Variants in ARHGEF37 observed in about 807,000 individuals in gnomAD.
ARHGEF37 encodes Rho guanine nucleotide exchange factor 37.
A neutral mutation model predicts 71.1 loss-of-function variants in ARHGEF37; 55 were observed. The ratio of observed to expected loss-of-function variants is 0.77; its 90% confidence interval spans 0.62 to 0.97. ARHGEF37 has a LOEUF of 0.97. Among genes scored for constraint, ARHGEF37 ranks in the 50% least tolerant of loss-of-function variants. The pLI is 0.00. For missense variants in ARHGEF37, 765 were observed against 836.8 expected, an observed-to-expected ratio of 0.91 and a Z score of 1.06; for synonymous variants, 327 against 350.6, an observed-to-expected ratio of 0.93 and a Z score of 0.75.
At chr5:149,623,521 A>G (rs1192535595) in intron 9 of ARHGEF37, among the ~76,000 whole-genome samples, 1 of 152,002 alleles carries the variant, frequency 6.6e-6, no homozygotes, top group Admixed American at 6.6e-5. Flanking sequence ...GCTGCCCCCA[A>G]CCCCTTGCAT....
chr5:149,595,644 C>A (rs756659929), intron 1 of ARHGEF37, among the ~76,000 whole-genome samples: 1 of 152,110 alleles, frequency 6.6e-6, no homozygotes, highest in Non-Finnish European at 1.5e-5. Context: ...CTCACAGGGG[C>A]ATTCTTATAT....
At chr5:149,601,792 G>T (rs1263111847) in intron 3 of ARHGEF37, among the ~76,000 whole-genome samples, 2 of 152,166 alleles carry the variant, frequency 1.3e-5, no homozygotes, top group African/African-American at 4.8e-5. Flanking sequence ...TCTGAAGGGA[G>T]AGTAGAGAGC....
chr5:149,565,990 C>T (rs181778416), intron 1 of ARHGEF37, among the ~76,000 whole-genome samples: 2 of 151,396 alleles, frequency 1.3e-5, no homozygotes, highest in Admixed American at 1.3e-4. Context: ...GCTTGGATTA[C>T]AGGCATGTGC....
At position 149,618,316 on chromosome 5, in the gene ARHGEF37, C is replaced by A. The variant is rs371883851; in HGVS notation, c.789+10C>A. 3 of 1,613,884 alleles carry A rather than the reference C, an allele frequency of 1.9e-6. No homozygotes were observed. Among genetic ancestry groups the A allele is most frequent in the Non-Finnish European group, 2.5e-6 (3 of 1,179,864 alleles). On this transcript the variant is annotated intron_variant, in intron 6 of 12. Transcript: ENST00000333677. The stretch of plus-strand genomic sequence containing the variant: ...GGGGCTGATCCCCAGGGTGAGCGTG[C>A]GCCTGGGAGGAAGAGTCACATCCAG...
chr5:149,554,719 A>AT (rs1014936003), intron 1 of ARHGEF37, among the ~76,000 whole-genome samples: 1 of 151,498 alleles, frequency 6.6e-6, no homozygotes, highest in Non-Finnish European at 1.5e-5. Context: ...TCTTAAAGTC[A>AT]TGTATCATTT....
chr5:149,571,336 A>G (rs2113246999), intron 1 of ARHGEF37, among the ~76,000 whole-genome samples: 2 of 152,184 alleles, frequency 1.3e-5, no homozygotes, highest in East Asian at 1.9e-4. Context: ...GCTCACTGCA[A>G]CCTCTGCCTC....
chr5:149,620,916 T>G (rs1317662563), intron 8 of ARHGEF37, among the ~76,000 whole-genome samples: 1 of 152,138 alleles, frequency 6.6e-6, no homozygotes, highest in Non-Finnish European at 1.5e-5. Flanking sequence ...ATTAGTGCAC[T>G]TTCCTGATAA....
chr5:149,619,559 G>A (rs1203741282), intron 7 of ARHGEF37, among the ~76,000 whole-genome samples: 1 of 152,106 alleles, frequency 6.6e-6, no homozygotes, highest in Non-Finnish European at 1.5e-5. Context: ...GTTGTTGCTG[G>A]GTGAGAATAT....
At chr5:149,626,774 C>T (rs530181929) in intron 10 of ARHGEF37, 1 of 241,626 alleles carries the variant, frequency 4.1e-6, no homozygotes, top group African/African-American at 2.2e-5. Flanking sequence ...ATAACTTACC[C>T]TGACGGTATG....
At chr5:149,562,220 T>C (rs1762841929) in intron 1 of ARHGEF37, among the ~76,000 whole-genome samples, 1 of 152,156 alleles carries the variant, frequency 6.6e-6, no homozygotes, top group Admixed American at 6.5e-5. Context: ...AAAAGAACTT[T>C]GGGCAAAAAA....
chr5:149,597,894 AG>A lies in ARHGEF37; in HGVS notation c.127del (p.Val43SerfsTer39), dbSNP rs779017606. 1 of 1,609,434 alleles carries A rather than the reference AG, an allele frequency of 6.2e-7. No homozygotes were observed. Among genetic ancestry groups the A allele is most frequent in the East Asian group, 2.2e-5 (1 of 44,564 alleles). On this transcript the variant is annotated frameshift_variant, in exon 2 of 13. Transcript: ENST00000333677. LOFTEE classifies it high-confidence loss of function. The part of the protein sequence containing the change: ...RLAVRELIDT[E>X]VSYLHMLQLC... ...GCTGTCCGGGAGCTCATCGACACTG[AG>A]GTCTCCTACTTGCACATGCTCCAGC...
intron 4 of ARHGEF37, 88 bp downstream of exon 4, chr5:149,609,783 C>A: frequency 6.5e-7 from 1 of 1,550,116 alleles, no homozygotes. Context: ...TCATGCCATT[C>A]GTGCTGCTTC....
chr5:149,625,863 C>T (rs2113385674), intron 10 of ARHGEF37, among the ~76,000 whole-genome samples: 1 of 152,210 alleles, frequency 6.6e-6, no homozygotes, highest in African/African-American at 2.4e-5. Flanking sequence ...AGAAGCAGCC[C>T]TCATGGGATC....
At chr5:149,615,300 A>C (rs965597218) in intron 4 of ARHGEF37, among the ~76,000 whole-genome samples, 1 of 141,318 alleles carries the variant, frequency 7.1e-6, no homozygotes, top group African/African-American at 2.6e-5. Context: ...CACCATGCCT[A>C]GTTAATTTTT....
At chr5:149,602,452 G>A (rs1763784101) in intron 3 of ARHGEF37, among the ~76,000 whole-genome samples, 1 of 151,690 alleles carries the variant, frequency 6.6e-6, no homozygotes, top group South Asian at 2.1e-4. Context: ...GGGCTTTACT[G>A]TGGCCCAGAT....
intron 1 of ARHGEF37, among the ~76,000 whole-genome samples, chr5:149,570,675 A>ATATGGTGAAATATG (rs1400948839): frequency 1.3e-5 from 2 of 151,876 alleles, no homozygotes; most frequent in Admixed American, 1.3e-4. Context: ...CAGGAGTTCA[A>ATATGGTGAAATATG]GACCACCCTG....
At chr5:149,598,061 C>G in intron 2 of ARHGEF37, 106 bp downstream of exon 2, 5 of 1,345,800 alleles carry the variant, frequency 3.7e-6, no homozygotes, top group Non-Finnish European at 4.0e-6. Context: ...AGAAAGGAAG[C>G]GTGGTAGATG....
At chr5:149,568,864 T>A (rs1267833183) in intron 1 of ARHGEF37, among the ~76,000 whole-genome samples, 1 of 151,618 alleles carries the variant, frequency 6.6e-6, no homozygotes, top group Non-Finnish European at 1.5e-5. Flanking sequence ...TCCAGAAAGT[T>A]CCTATAAGTC....
At chr5:149,605,998 G>C (rs1174168959) in intron 3 of ARHGEF37, among the ~76,000 whole-genome samples, 1 of 152,190 alleles carries the variant, frequency 6.6e-6, no homozygotes, top group Non-Finnish European at 1.5e-5. Context: ...GAGGAAACAA[G>C]CCTTTCCTTT....
Sources: allele counts gnomAD v4.1 joint callset (sites outside exome capture counted in the v4.1 genomes callset), GRCh38; gene constraint gnomAD v4.1.1; transcripts MANE v1.5; gene names NCBI Gene and HGNC (gene_info 2026-07-23, HGNC 2026-07-21).